The following DOK5 variants were observed in gnomAD, a reference collection of about 807,000 sequenced individuals.
The protein encoded by DOK5 is downstream of tyrosine kinase 5.
DOK5 carries 27 observed loss-of-function variants against 43.3 expected under a neutral mutation model. The ratio of observed to expected loss-of-function variants is 0.62; its 90% CI spans 0.46 to 0.86. The LOEUF (loss-of-function observed/expected upper bound fraction) is 0.86. Among genes scored for constraint, DOK5 ranks in the 40% least tolerant of loss-of-function variants. DOK5 has a pLI of 0.00. For synonymous variants in DOK5, 146 were observed against 140.1 expected, an observed-to-expected ratio of 1.04 and a Z score of -0.30; for missense variants, 373 against 392.9, an observed-to-expected ratio of 0.95 and a Z score of 0.43.
chr20:54,507,277 A>G (rs778184822), intron 1 of DOK5, among the ~76,000 whole-genome samples: 4 of 152,214 alleles, frequency 2.6e-5, no homozygotes, highest in Non-Finnish European at 5.9e-5. Context: ...TATATGTTCT[A>G]CAGCAGCACT....
intron 1 of DOK5, among the ~76,000 whole-genome samples, chr20:54,491,978 A>G (rs924390503): frequency 6.6e-6 from 1 of 152,122 alleles, no homozygotes; most frequent in African/African-American, 2.4e-5. Context: ...AAAAGAAAGA[A>G]AGACAAAGGG....
intron 1 of DOK5, among the ~76,000 whole-genome samples, chr20:54,497,188 T>A (rs561836188): frequency 1.3e-5 from 2 of 152,342 alleles, no homozygotes; most frequent in African/African-American, 4.8e-5. Context: ...AAAAGCAGAT[T>A]CTGAAGTTGC....
intron 2 of DOK5, among the ~76,000 whole-genome samples, chr20:54,556,130 C>T (rs936171044): frequency 2.0e-5 from 3 of 152,172 alleles, no homozygotes; most frequent in Non-Finnish European, 4.4e-5. Context: ...AGAATAAGCA[C>T]AAAACAAGCT....
At chr20:54,568,983 C>CAAAAAAAAAAAAAAAAAAAAA (rs10542523) in intron 2 of DOK5, among the ~76,000 whole-genome samples, 1 of 96,234 alleles carries the variant, frequency 1.0e-5, no homozygotes, top group African/African-American at 3.7e-5. Context: ...GACTAAAACG[C>CAAAAAAAAAAAAAAAAAAAAA]AAAAAAAAAA....
intron 1 of DOK5, among the ~76,000 whole-genome samples, chr20:54,552,868 T>C (rs185696686): frequency 1.7e-3 from 257 of 152,334 alleles, no homozygotes; most frequent in Non-Finnish European, 2.7e-3. Flanking sequence ...AAATGGAATA[T>C]ATAAACATTG....
intron 2 of DOK5, among the ~76,000 whole-genome samples, chr20:54,574,450 G>C (rs950156875): frequency 6.6e-6 from 1 of 152,080 alleles, no homozygotes; most frequent in African/African-American, 2.4e-5. Context: ...CTCACCTATT[G>C]ACACATCTGA....
At chr20:54,503,189 A>G (rs1437697873) in intron 1 of DOK5, among the ~76,000 whole-genome samples, 1 of 152,218 alleles carries the variant, frequency 6.6e-6, no homozygotes, top group African/African-American at 2.4e-5. Context: ...TACCTCTGAA[A>G]TAATTTTGAA....
At chr20:54,537,381 C>G (rs142092935) in intron 1 of DOK5, among the ~76,000 whole-genome samples, 20 of 152,094 alleles carry the variant, frequency 1.3e-4, no homozygotes, top group African/African-American at 1.9e-4. Flanking sequence ...AATGCCAACA[C>G]AGAGGTGATA....
chr20:54,642,681 C>T (rs1031683902), intron 6 of DOK5, among the ~76,000 whole-genome samples: 3 of 152,034 alleles, frequency 2.0e-5, no homozygotes, highest in African/African-American at 7.2e-5. Flanking sequence ...TGTGATCGTG[C>T]TACCACACTC....
intron 1 of DOK5, among the ~76,000 whole-genome samples, chr20:54,489,439 C>A (rs1166028592): frequency 1.3e-5 from 2 of 151,834 alleles, no homozygotes; most frequent in African/African-American, 4.8e-5. Context: ...TCTGTATGTG[C>A]GTTTGCATGC....
intron 1 of DOK5, among the ~76,000 whole-genome samples, chr20:54,517,404 T>C (rs1983233631): frequency 6.6e-6 from 1 of 152,202 alleles, no homozygotes; most frequent in East Asian, 1.9e-4. Flanking sequence ...CTAACCACTG[T>C]GTATGCTGGA....
intron 6 of DOK5, among the ~76,000 whole-genome samples, chr20:54,637,063 C>T (rs1481961180): frequency 1.3e-5 from 2 of 152,126 alleles, no homozygotes; most frequent in African/African-American, 2.4e-5. Context: ...AATTTGTATA[C>T]AGTTTCATCA....
intron 1 of DOK5, among the ~76,000 whole-genome samples, chr20:54,553,786 A>G (rs1254373528): frequency 6.6e-6 from 1 of 150,460 alleles, no homozygotes; most frequent in Admixed American, 6.6e-5. Context: ...AATTCCAGCT[A>G]CTCAGGAGTC....
At position 54,572,789 on chromosome 20, in the gene DOK5, A is replaced by G. The variant is rs1176164057; in HGVS notation, c.175-15694A>G. Among the ~76,000 whole-genome samples the G allele has an allele frequency of 2.0e-5, 3 of 152,228 alleles. No individual in the cohort carries two copies. The East Asian group carries it at 5.8e-4, about 29-fold the overall frequency. On this transcript the variant is annotated intron_variant, in intron 2 of 7. Transcript: ENST00000262593. ...CACTTGTGCAGACTTGGTCTAAATA[A>G]TCATTCTCTGGAGTTCGCCTGCCTC...
At chr20:54,596,647 A>G (rs1295043244) in intron 5 of DOK5, among the ~76,000 whole-genome samples, 1 of 152,106 alleles carries the variant, frequency 6.6e-6, no homozygotes, top group Non-Finnish European at 1.5e-5. Flanking sequence ...GGGAACACAT[A>G]TATTACTTAT....
chr20:54,609,708 C>T (rs1042319956), intron 5 of DOK5, among the ~76,000 whole-genome samples: 1 of 152,106 alleles, frequency 6.6e-6, no homozygotes. Context: ...CTTTGTTTAC[C>T]TTTACCATCT....
At chr20:54,563,763 G>A (rs562186580) in intron 2 of DOK5, among the ~76,000 whole-genome samples, 60 of 148,090 alleles carry the variant, frequency 4.1e-4, no homozygotes, top group Admixed American at 2.9e-3. Flanking sequence ...CCATTGTTTC[G>A]AGAGAAACTG....
At chr20:54,646,778 G>T (rs1249900244) in intron 7 of DOK5, among the ~76,000 whole-genome samples, 2 of 152,040 alleles carry the variant, frequency 1.3e-5, no homozygotes, top group African/African-American at 4.8e-5. Flanking sequence ...ATGACTTGGG[G>T]GCCTGGGGTG....
chr20:54,493,248 A>G lies in DOK5; in HGVS notation c.66+17236A>G, dbSNP rs79764487. Among the ~76,000 whole-genome samples the G allele has an allele frequency of 5.6e-3, 845 of 152,166 alleles. 11 individuals are homozygous for G. The highest frequency in any genetic ancestry group is 0.019 in the African/African-American group (801 of 41,506). On this transcript the variant is annotated intron_variant, in intron 1 of 7. Transcript: ENST00000262593. ...TGAATATCTCTGAAATGTACTCAGG[A>G]CACTGTGTGACCCAGAGCCTGCTGC... is the stretch of plus-strand genomic sequence containing the variant.
Sources: gnomAD v4.1 joint callset for allele counts (sites outside exome capture counted in the v4.1 genomes callset) on GRCh38, gnomAD v4.1.1 for gene constraint, MANE v1.5 for transcripts, NCBI Gene and HGNC (gene_info 2026-07-23, HGNC 2026-07-21) for gene names.